The following PRELID2 variants were observed in gnomAD, a reference collection of about 807,000 sequenced individuals.
PRELID2 encodes PRELI domain-containing protein 2.
A neutral mutation model predicts 28.4 loss-of-function variants in PRELID2; 25 were observed. The observed-to-expected ratio is 0.88, with a 90% CI of 0.64 to 1.23. The LOEUF is 1.23. PRELID2 is among the 50% of genes most tolerant of loss of function. PRELID2 has a pLI of 0.00. For missense variants in PRELID2, 201 were observed against 214.4 expected (o/e 0.94, Z 0.39); for synonymous variants, 76 against 71.6 (o/e 1.06, Z -0.31).
At chr5:145,547,334 T>C (rs1216273820) in intron 1 of PRELID2, among the ~76,000 whole-genome samples, 1 of 152,164 alleles carries the variant, frequency 6.6e-6, no homozygotes, top group Non-Finnish European at 1.5e-5. Flanking sequence ...GGCTGGTCGG[T>C]GGTGTCCATT....
intron 1 of PRELID2, among the ~76,000 whole-genome samples, chr5:145,515,758 C>T (rs764473718): frequency 1.3e-5 from 2 of 152,060 alleles, no homozygotes; most frequent in African/African-American, 2.4e-5. Flanking sequence ...ACTGGGAAAC[C>T]GAATGCAGCA....
At chr5:145,241,945 T>TA in the PRELID2 span, among the ~76,000 whole-genome samples, 66 of 147,412 alleles carry the variant, frequency 4.5e-4, no homozygotes, top group East Asian at 1.6e-3. Context: ...TGCTATTGCA[T>TA]AAAAAAAAAA....
At chr5:145,691,198 C>T (rs1450956178) in intron 1 of PRELID2, among the ~76,000 whole-genome samples, 2 of 152,172 alleles carry the variant, frequency 1.3e-5, no homozygotes. Context: ...TGGAAGCTCT[C>T]ATTTTTATAA....
At chr5:145,695,213 C>G (rs1755233695) in intron 1 of PRELID2, among the ~76,000 whole-genome samples, 1 of 152,184 alleles carries the variant, frequency 6.6e-6, no homozygotes, top group African/African-American at 2.4e-5. Flanking sequence ...GAGATGCTCT[C>G]TCTGTAGAGG....
At chr5:145,379,120 T>C in the PRELID2 span, among the ~76,000 whole-genome samples, 1 of 152,186 alleles carries the variant, frequency 6.6e-6, no homozygotes, top group Non-Finnish European at 1.5e-5. Context: ...CTAGACTATA[T>C]GTTTTAATTC....
the PRELID2 span, among the ~76,000 whole-genome samples, chr5:145,335,038 A>AT: frequency 6.6e-6 from 1 of 151,888 alleles, no homozygotes; most frequent in Non-Finnish European, 1.5e-5. Flanking sequence ...TTTGTCTATT[A>AT]TTTTTTAAGT....
the PRELID2 span, among the ~76,000 whole-genome samples, chr5:145,298,480 T>C: frequency 1.3e-5 from 2 of 152,180 alleles, no homozygotes; most frequent in African/African-American, 2.4e-5. Flanking sequence ...CAAGATGGAT[T>C]AAAGACTTAA....
At chr5:145,699,059 G>T (rs895407272) in intron 1 of PRELID2, among the ~76,000 whole-genome samples, 4 of 152,070 alleles carry the variant, frequency 2.6e-5, no homozygotes, top group African/African-American at 9.7e-5. Context: ...ATCACCTTGG[G>T]GTTTAGCAAT....
the PRELID2 span, among the ~76,000 whole-genome samples, chr5:145,232,220 A>G: frequency 2.6e-5 from 4 of 152,160 alleles, no homozygotes; most frequent in Non-Finnish European, 5.9e-5. Context: ...GATGATAATA[A>G]AGTGTATATT....
At chr5:145,292,419 C>T in the PRELID2 span, among the ~76,000 whole-genome samples, 2 of 151,990 alleles carry the variant, frequency 1.3e-5, no homozygotes, top group East Asian at 3.9e-4. Flanking sequence ...TGTGACTCTG[C>T]CCCTGCACCG....
intron 1 of PRELID2, among the ~76,000 whole-genome samples, chr5:145,585,964 C>T (rs1041227705): frequency 7.2e-5 from 11 of 152,016 alleles, no homozygotes; most frequent in African/African-American, 1.9e-4. Flanking sequence ...GCCATAAATC[C>T]GTGCTCTTGA....
At chr5:145,724,614 TA>T (rs1561558997) in intron 1 of PRELID2, among the ~76,000 whole-genome samples, 1 of 58,670 alleles carries the variant, frequency 1.7e-5, no homozygotes, top group Non-Finnish European at 3.1e-5. Context: ...TATATATATA[TA>T]TATATATATA....
downstream of PRELID2, among the ~76,000 whole-genome samples, chr5:145,467,287 T>C (rs74829586): frequency 3.3e-5 from 5 of 152,238 alleles, no homozygotes; most frequent in African/African-American, 1.2e-4. Context: ...ATCTGCATCA[T>C]GGAATTCCCA....
chr5:145,787,429 T>G lies in PRELID2; in HGVS notation c.474+9013A>C, dbSNP rs78718661. On this transcript the variant is annotated intron_variant, in intron 5 of 6. Transcript: ENST00000683046. ...TGGGGAGTGGGAAGCTAGCAATTTT[T>G]TCACTTCACACGGAAGATGTCAATT... 4.8e-3 allele frequency among the ~76,000 whole-genome samples: 726 copies of G among 152,324 alleles called. 4 individuals are homozygous for G. The highest frequency in any genetic ancestry group is 0.01 in the Middle Eastern group (3 of 294).
the PRELID2 span, among the ~76,000 whole-genome samples, chr5:145,460,014 T>C: frequency 6.6e-6 from 1 of 152,092 alleles, no homozygotes. Context: ...TTTCACCATA[T>C]TGGCCAGACT....
chr5:145,359,862 C>G, the PRELID2 span, among the ~76,000 whole-genome samples: 4 of 152,208 alleles, frequency 2.6e-5, no homozygotes, highest in East Asian at 7.7e-4. Context: ...CCTACCCACT[C>G]TTCTCATTAG....
At chr5:145,356,397 T>G in the PRELID2 span, among the ~76,000 whole-genome samples, 1 of 151,996 alleles carries the variant, frequency 6.6e-6, no homozygotes, top group South Asian at 2.1e-4. Flanking sequence ...TATTGTGCAG[T>G]TATTTAAGTC....
chr5:145,803,229 C>T (rs1350946186), intron 4 of PRELID2, among the ~76,000 whole-genome samples: 2 of 152,282 alleles, frequency 1.3e-5, no homozygotes, highest in East Asian at 3.9e-4. Context: ...GCTGCAGAGA[C>T]TTCTTGACTC....
chr5:145,507,890 A>G (rs1337163849), intron 1 of PRELID2, among the ~76,000 whole-genome samples: 2 of 152,310 alleles, frequency 1.3e-5, no homozygotes, highest in South Asian at 2.1e-4. Context: ...CCCATGAGGT[A>G]GGTAAGAAAC....
Sources: allele counts gnomAD v4.1 joint callset (sites outside exome capture counted in the v4.1 genomes callset), GRCh38; gene constraint gnomAD v4.1.1; transcripts MANE v1.5; gene names NCBI Gene and HGNC (gene_info 2026-07-23, HGNC 2026-07-21).